The following GMDS variants were observed in gnomAD, a reference collection of about 807,000 sequenced individuals.
GMDS encodes GDP-mannose 4,6-dehydratase.
In GMDS, 20 loss-of-function variants were observed where a neutral mutation model predicts 49.9. The observed-to-expected ratio is 0.40, with a 90% confidence interval of 0.28 to 0.58. The LOEUF is 0.58. Ranked by LOEUF, GMDS falls within the 20% of genes least tolerant of loss-of-function variation. The probability of loss-of-function intolerance (pLI) is 0.42; values close to 1 mark genes in which losing one functional copy is unlikely to be tolerated. For missense variants in GMDS, 362 were observed against 481.4 expected (o/e 0.75, Z 2.32); for synonymous variants, 177 against 178.6 (o/e 0.99, Z 0.07).
chr6:1,925,042 G>T (rs1377609281), intron 7 of GMDS, among the ~76,000 whole-genome samples: 2 of 152,108 alleles, frequency 1.3e-5, no homozygotes, highest in African/African-American at 4.8e-5. Context: ...AATATTTGTA[G>T]CTGTAAGCCA....
At chr6:2,089,593 T>C (rs1393211122) in intron 4 of GMDS, among the ~76,000 whole-genome samples, 1 of 152,198 alleles carries the variant, frequency 6.6e-6, no homozygotes, top group Non-Finnish European at 1.5e-5. Flanking sequence ...ATCAGACTTT[T>C]TCCTTGAGTG....
chr6:1,965,973 C>T (rs1764237571), intron 4 of GMDS, among the ~76,000 whole-genome samples: 1 of 152,166 alleles, frequency 6.6e-6, no homozygotes, highest in African/African-American at 2.4e-5. Flanking sequence ...TCCGACCTAC[C>T]ATCTGCTTTT....
At chr6:1,705,239 C>T (rs1765690556) in intron 9 of GMDS, among the ~76,000 whole-genome samples, 1 of 152,338 alleles carries the variant, frequency 6.6e-6, no homozygotes, top group Admixed American at 6.5e-5. Context: ...TACAGGTGCA[C>T]AGAGCCTTTC....
At chr6:1,915,636 G>T (rs1174510907) in intron 7 of GMDS, among the ~76,000 whole-genome samples, 2 of 152,242 alleles carry the variant, frequency 1.3e-5, no homozygotes, top group Non-Finnish European at 2.9e-5. Flanking sequence ...CATGTGGGAG[G>T]CAGAGAGAGC....
intron 7 of GMDS, among the ~76,000 whole-genome samples, chr6:1,811,685 A>G (rs1462049323): frequency 1.3e-5 from 2 of 151,974 alleles, no homozygotes; most frequent in African/African-American, 4.8e-5. Flanking sequence ...TGCCTCACTG[A>G]AAGATGCAAA....
chr6:1,634,109 A>C (rs1456329351), intron 9 of GMDS, among the ~76,000 whole-genome samples: 2 of 151,660 alleles, frequency 1.3e-5, no homozygotes, highest in Non-Finnish European at 2.9e-5. Flanking sequence ...AAAATCTGCC[A>C]CTCTTTGATG....
chr6:1,656,609 C>A (rs1214004996), intron 9 of GMDS, among the ~76,000 whole-genome samples: 1 of 151,858 alleles, frequency 6.6e-6, no homozygotes, highest in Non-Finnish European at 1.5e-5. Flanking sequence ...TAAAAAAATA[C>A]AAAAATTAGC....
chr6:2,210,882 T>A (rs925379104), intron 1 of GMDS, among the ~76,000 whole-genome samples: 1 of 152,172 alleles, frequency 6.6e-6, no homozygotes, highest in East Asian at 1.9e-4. Context: ...TGGGAGATAA[T>A]TGGATCATGG....
At chr6:1,957,834 A>G (rs1171488488) in intron 6 of GMDS, among the ~76,000 whole-genome samples, 2 of 152,194 alleles carry the variant, frequency 1.3e-5, no homozygotes, top group African/African-American at 4.8e-5. Flanking sequence ...CAGGGGTCTC[A>G]CTATGTTGCC....
chr6:1,867,203 GA>G (rs1258569453), intron 7 of GMDS, among the ~76,000 whole-genome samples: 1 of 152,194 alleles, frequency 6.6e-6, no homozygotes, highest in Non-Finnish European at 1.5e-5. Flanking sequence ...TTTTAAAAGT[GA>G]AAATGTTCAC....
At chr6:1,785,215 G>C (rs187863420) in intron 7 of GMDS, among the ~76,000 whole-genome samples, 1 of 152,176 alleles carries the variant, frequency 6.6e-6, no homozygotes, top group East Asian at 1.9e-4. Context: ...AACAAATCTA[G>C]GTGGTTAGTA....
chr6:1,744,351 G>A (rs985759555), intron 7 of GMDS, among the ~76,000 whole-genome samples: 1 of 152,146 alleles, frequency 6.6e-6, no homozygotes, highest in Non-Finnish European at 1.5e-5. Flanking sequence ...TTATCTTGGC[G>A]AGAAGACATA....
At chr6:1,699,863 G>A (rs886821493) in intron 9 of GMDS, among the ~76,000 whole-genome samples, 1 of 152,168 alleles carries the variant, frequency 6.6e-6, no homozygotes, top group Non-Finnish European at 1.5e-5. Flanking sequence ...ATGGCAGCAC[G>A]CCGTCTGCTG....
At chr6:1,666,611 G>A (rs1020109056) in intron 9 of GMDS, among the ~76,000 whole-genome samples, 4 of 152,170 alleles carry the variant, frequency 2.6e-5, no homozygotes, top group African/African-American at 4.8e-5. Context: ...TTCACGTGAC[G>A]GTGGTGTGAT....
intron 4 of GMDS, among the ~76,000 whole-genome samples, chr6:2,112,721 C>T (rs1277893844): frequency 6.6e-6 from 1 of 152,184 alleles, no homozygotes; most frequent in Admixed American, 6.5e-5. Flanking sequence ...TAAAATGTTT[C>T]TTTAAAACGT....
intron 7 of GMDS, among the ~76,000 whole-genome samples, chr6:1,876,971 CT>C (rs568951953): frequency 1.3e-5 from 2 of 152,180 alleles, no homozygotes; most frequent in Non-Finnish European, 2.9e-5. Flanking sequence ...CCTGTATCTC[CT>C]TTGTTTTGGA....
intron 9 of GMDS, among the ~76,000 whole-genome samples, chr6:1,685,588 C>T (rs770707969): frequency 6.6e-6 from 1 of 152,060 alleles, no homozygotes; most frequent in African/African-American, 2.4e-5. Flanking sequence ...ACTATGCCAG[C>T]GTTTGCAGAT....
At chr6:1,721,860 G>A (rs75209096) in intron 9 of GMDS, among the ~76,000 whole-genome samples, 47 of 152,142 alleles carry the variant, frequency 3.1e-4, no homozygotes, top group African/African-American at 1.1e-3. Flanking sequence ...TACTTACTGA[G>A]TAGCCCCTGA....
intron 9 of GMDS, among the ~76,000 whole-genome samples, chr6:1,637,787 G>T (rs1388256059): frequency 6.6e-6 from 1 of 152,208 alleles, no homozygotes; most frequent in Non-Finnish European, 1.5e-5. Context: ...TTCCCCGAGG[G>T]CCCTTAGACC....
Sources: gnomAD v4.1 joint callset for allele counts (sites outside exome capture counted in the v4.1 genomes callset) on GRCh38, gnomAD v4.1.1 for gene constraint, MANE v1.5 for transcripts, NCBI Gene and HGNC (gene_info 2026-07-23, HGNC 2026-07-21) for gene names.